Variants in TCF12 observed in about 807,000 individuals in gnomAD.
TCF12 encodes transcription factor 12.
In TCF12, 45 loss-of-function variants were observed where a neutral mutation model predicts 86.0. That is an observed-to-expected ratio of 0.52 (90% confidence interval 0.41 to 0.67). The LOEUF is 0.67. Ranked by LOEUF, TCF12 falls within the 30% of genes least tolerant of loss-of-function variation. TCF12 has a pLI of 0.00. For synonymous variants in TCF12, 330 were observed against 299.6 expected (o/e 1.10, Z -1.05); for missense variants, 881 against 859.9 (o/e 1.02, Z -0.31).
At chr15:56,948,664 G>A (rs968967124) in intron 3 of TCF12, among the ~76,000 whole-genome samples, 19 of 152,188 alleles carry the variant, frequency 1.2e-4, no homozygotes, top group African/African-American at 4.3e-4. Context: ...TGAAGCTGGG[G>A]CCTGAAGTTT....
intron 3 of TCF12, among the ~76,000 whole-genome samples, chr15:56,923,495 G>T (rs1222780568): frequency 1.3e-5 from 2 of 152,126 alleles, no homozygotes; most frequent in African/African-American, 4.8e-5. Context: ...CACTTGGTAT[G>T]ATAGGCTCTG....
intron 3 of TCF12, among the ~76,000 whole-genome samples, chr15:57,058,795 A>T (rs1306548201): frequency 4.6e-5 from 7 of 152,126 alleles, no homozygotes; most frequent in Admixed American, 4.6e-4. Context: ...ATTCTAACTG[A>T]TCCTATTTCA....
chr15:56,936,638 C>G (rs539273265), intron 3 of TCF12, among the ~76,000 whole-genome samples: 5 of 152,122 alleles, frequency 3.3e-5, no homozygotes, highest in Admixed American at 2.6e-4. Flanking sequence ...TTTGATCCAT[C>G]TTGAGTTGAT....
intron 3 of TCF12, among the ~76,000 whole-genome samples, chr15:57,029,398 T>C (rs1403508592): frequency 2.6e-5 from 4 of 152,234 alleles, no homozygotes; most frequent in African/African-American, 9.6e-5. Flanking sequence ...TTCTGAGCCT[T>C]CGTACTTCCA....
At chr15:57,004,281 TGG>T (rs2064219033) in intron 3 of TCF12, among the ~76,000 whole-genome samples, 1 of 151,958 alleles carries the variant, frequency 6.6e-6, no homozygotes, top group African/African-American at 2.4e-5. Context: ...TAGCCCAGGC[TGG>T]AGTTCAATGG....
At chr15:57,119,278 G>T (rs1480853285) in intron 5 of TCF12, among the ~76,000 whole-genome samples, 1 of 151,210 alleles carries the variant, frequency 6.6e-6, no homozygotes, top group Non-Finnish European at 1.5e-5. Flanking sequence ...TTGTTTTTTT[G>T]TTTGTTTGTT....
At chr15:57,240,851 G>C (rs1195882982) in intron 12 of TCF12, among the ~76,000 whole-genome samples, 1 of 135,932 alleles carries the variant, frequency 7.4e-6, no homozygotes, top group Non-Finnish European at 1.5e-5. Context: ...CTGCATTCCA[G>C]CCTGGGTGAC....
At chr15:57,278,713 T>TCCCTCTCCCTCCCTCCCC (rs2061523564) in intron 19 of TCF12, 1 of 56,022 alleles carries the variant, frequency 1.8e-5, no homozygotes, top group Admixed American at 1.9e-4. Context: ...CCTCCCTCCC[T>TCCCTCTCCCTCCCTCCCC]CCCTCTCCCT....
intron 3 of TCF12, among the ~76,000 whole-genome samples, chr15:57,058,069 C>CTTGGAA (rs2068168111): frequency 6.6e-6 from 1 of 152,150 alleles, no homozygotes. Flanking sequence ...CTTTGTCAGT[C>CTTGGAA]TTGGAATGTC....
intron 5 of TCF12, among the ~76,000 whole-genome samples, chr15:57,139,964 G>A (rs1249959849): frequency 1.3e-5 from 2 of 152,052 alleles, no homozygotes; most frequent in African/African-American, 4.8e-5. Flanking sequence ...CACAGAAATC[G>A]GACAGGCACT....
chr15:57,197,888 C>A, intron 8 of TCF12, 63 bp downstream of exon 8: 1 of 1,542,144 alleles, frequency 6.5e-7, no homozygotes, highest in South Asian at 1.1e-5. Flanking sequence ...TCCGTATTAC[C>A]TTGCTACAAG....
intron 5 of TCF12, among the ~76,000 whole-genome samples, chr15:57,147,724 A>G (rs1230732819): frequency 1.3e-5 from 2 of 152,218 alleles, no homozygotes; most frequent in Non-Finnish European, 2.9e-5. Context: ...ATAGCAAAAT[A>G]CAAATATGGA....
At chr15:56,990,252 TGTG>T (rs2063384330) in intron 3 of TCF12, among the ~76,000 whole-genome samples, 2 of 139,444 alleles carry the variant, frequency 1.4e-5, no homozygotes, top group Admixed American at 7.3e-5. Context: ...TGTGTGTGCG[TGTG>T]CGTGTGTGTG....
At chr15:57,202,104 T>TAA (rs1167381703) in intron 8 of TCF12, among the ~76,000 whole-genome samples, 3 of 152,298 alleles carry the variant, frequency 2.0e-5, no homozygotes, top group South Asian at 4.1e-4. Context: ...AACAACTCTA[T>TAA]AACTAATATT....
chr15:57,151,547 A>G (rs1256455943), intron 5 of TCF12, among the ~76,000 whole-genome samples: 2 of 152,088 alleles, frequency 1.3e-5, no homozygotes, highest in Non-Finnish European at 2.9e-5. Flanking sequence ...AGGACAGATC[A>G]TGAGATCAAG....
chr15:57,059,129 G>C (rs183715227), intron 3 of TCF12, among the ~76,000 whole-genome samples: 2 of 152,294 alleles, frequency 1.3e-5, no homozygotes, highest in East Asian at 3.9e-4. Flanking sequence ...ATTTATGACA[G>C]TGCTGAGATT....
intron 5 of TCF12, among the ~76,000 whole-genome samples, chr15:57,154,135 T>G (rs2053957554): frequency 6.6e-6 from 1 of 152,168 alleles, no homozygotes; most frequent in Non-Finnish European, 1.5e-5. Flanking sequence ...ATTTTCAAAA[T>G]GAAACAGAGA....
intron 3 of TCF12, among the ~76,000 whole-genome samples, chr15:56,927,725 C>T (rs2060078027): frequency 6.6e-6 from 1 of 151,904 alleles, no homozygotes; most frequent in Admixed American, 6.6e-5. Context: ...TTTTTTGTGC[C>T]TACAAGTTAA....
chr15:57,290,678 C>T (rs2062062151), downstream of TCF12, among the ~76,000 whole-genome samples: 1 of 152,164 alleles, frequency 6.6e-6, no homozygotes, highest in Admixed American at 6.5e-5. Context: ...GTGAAGGAGG[C>T]TTGTGTTGGG....
Sources: gnomAD v4.1 joint callset for allele counts (sites outside exome capture counted in the v4.1 genomes callset) on GRCh38, gnomAD v4.1.1 for gene constraint, MANE v1.5 for transcripts, NCBI Gene and HGNC (gene_info 2026-07-23, HGNC 2026-07-21) for gene names.